COX18: variants seen among roughly 807,000 people sequenced by gnomAD.
The protein encoded by COX18 is cytochrome c oxidase assembly protein COX18, mitochondrial.
A neutral mutation model predicts 38.0 loss-of-function variants in COX18; 45 were observed. The ratio of observed to expected loss-of-function variants is 1.18; its 90% confidence interval spans 0.93 to 1.52. The LOEUF is 1.52. COX18 is among the 40% of genes most tolerant of loss of function. COX18 has a pLI of 0.00. For missense variants in COX18, 462 were observed against 423.8 expected, an observed-to-expected ratio of 1.09 and a Z score of -0.79; for synonymous variants, 177 against 169.8, an observed-to-expected ratio of 1.04 and a Z score of -0.33.
At chr4:73,067,471 CTTATCT>C (rs1720505900) in intron 2 of COX18, among the ~76,000 whole-genome samples, 1 of 152,100 alleles carries the variant, frequency 6.6e-6, no homozygotes, top group African/African-American at 2.4e-5. Context: ...ACATACTCTT[CTTATCT>C]TTATCTATTT....
At chr4:73,069,722 T>TA (rs760432276), upstream of COX18, 109 of 1,407,138 alleles carry the variant, frequency 7.7e-5, no homozygotes, top group Non-Finnish European at 1.0e-4. Context: ...CCAAGGCTGA[T>TA]ACGCGCACGC....
chr4:73,068,897 C>A (rs1235080094), intron 1 of COX18, among the ~76,000 whole-genome samples: 1 of 152,186 alleles, frequency 6.6e-6, no homozygotes, highest in Non-Finnish European at 1.5e-5. Context: ...CTAGTAGTTT[C>A]TTCCTAATAA....
chr4:73,060,379 C>T (rs894119923), intron 5 of COX18, among the ~76,000 whole-genome samples: 1 of 152,062 alleles, frequency 6.6e-6, no homozygotes, highest in African/African-American at 2.4e-5. Flanking sequence ...CTGTGCCGTT[C>T]TACTTTTACA....
chr4:73,064,938 T>C (rs758207029), intron 3 of COX18, 36 bp from the exon 4 acceptor site: 1 of 1,596,232 alleles, frequency 6.3e-7, no homozygotes, highest in Middle Eastern at 1.7e-4. Flanking sequence ...ATAGAAGTCC[T>C]AAAAATAGCA....
In COX18 at chr4:73,065,343, TG is replaced by T; in HGVS notation, c.504del (p.Phe168LeufsTer24). 6.2e-7 allele frequency: 1 copy of T among 1,614,006 alleles called. No homozygotes were observed. The highest frequency in any genetic ancestry group is 8.5e-7 in the Non-Finnish European group (1 of 1,179,934). On this transcript the variant is annotated frameshift_variant, in exon 3 of 6. Coordinates refer to ENST00000507544, the MANE Select transcript of COX18 (RefSeq NM_001297732.2). LOFTEE classifies it high-confidence loss of function. ...ELYVRDNCHPFKATVLVWIQL... is the reference protein window; with the variant it reads ...ELYVRDNCHPXKATVLVWIQL... ...TGAATCCAAACCAACACAGTGGCTT[TG>T]AAAGGGTGGCAGTTATCTCGCACAT... is the stretch of plus-strand genomic sequence containing the variant.
Position 73,054,441 on chromosome 4 carries a change from C to G in COX18, c.*3673G>C, listed in dbSNP as rs1410536570. 4 of 152,202 alleles carry G rather than the reference C, an allele frequency of 2.6e-5. No homozygotes were observed. The highest frequency in any genetic ancestry group is 9.6e-5 in the African/African-American group (4 of 41,452). The allele number at this position is 152,202 out of a possible 1,614,324, so 9.4% of individuals were successfully genotyped here. A position where few individuals can be genotyped will look rare whatever the true frequency, so the allele number is the denominator to read the frequency against. On this transcript the variant is annotated 3_prime_UTR_variant, in exon 6 of 6. Transcript: ENST00000507544. ...GTCAGGTAAGTTCAGGTAACTGATTCACTTCAGTTCATAATACACCAGTTT... is the reference window on the plus strand; with the variant it reads ...GTCAGGTAAGTTCAGGTAACTGATTGACTTCAGTTCATAATACACCAGTTT...
chr4:73,065,183 T>C (rs984088234), intron 3 of COX18, 67 bp downstream of exon 3: 2 of 1,191,504 alleles, frequency 1.7e-6, no homozygotes, highest in African/African-American at 3.1e-5. Context: ...TTTTTTTTTT[T>C]TTTTTTTTTT....
In COX18 at chr4:73,054,932, G is replaced by A. The variant is rs1168937379; in HGVS notation, c.*3182C>T. The A allele has an allele frequency of 1.3e-5, 2 of 152,172 alleles. No individual in the cohort carries two copies. Among genetic ancestry groups the A allele is most frequent in the African/African-American group, 2.4e-5 (1 of 41,430 alleles). 9.4% of individuals were successfully genotyped at this position (152,172 alleles called of 1,614,324 possible). A position where few individuals can be genotyped will look rare whatever the true frequency, so the allele number is the denominator to read the frequency against. Reference sequence around the variant, plus strand: ...AAAGACACTTAACTCTGCAGATTCCGCTGGATGTCAGGGATTGGGGATAAA... The same window carrying A: ...AAAGACACTTAACTCTGCAGATTCCACTGGATGTCAGGGATTGGGGATAAA... On this transcript the variant is annotated 3_prime_UTR_variant, in exon 6 of 6. Coordinates refer to ENST00000507544, the MANE Select transcript of COX18 (RefSeq NM_001297732.2).
At chr4:73,059,313 C>T (rs1477193582) in intron 5 of COX18, among the ~76,000 whole-genome samples, 11 of 152,162 alleles carry the variant, frequency 7.2e-5, no homozygotes. Flanking sequence ...ATCTATTTGA[C>T]TTTGAGTAAG....
chr4:73,065,689 A>G (rs1351604004), intron 2 of COX18, among the ~76,000 whole-genome samples: 1 of 152,202 alleles, frequency 6.6e-6, no homozygotes, highest in Admixed American at 6.5e-5. Flanking sequence ...ATTAGGCTTT[A>G]AAGGTAAATT....
Position 73,069,580 on chromosome 4 carries a change from G to A in COX18, c.70C>T (p.Pro24Ser), listed in dbSNP as rs1720666232. 3 of 1,560,876 alleles carry A rather than the reference G, an allele frequency of 1.9e-6. No individual in the cohort carries two copies. The highest frequency in any genetic ancestry group is 2.6e-6 in the Non-Finnish European group (3 of 1,154,330). The change falls in exon 1 of 6, where the codon CCG (proline) becomes TCG (serine). Residue 24 changes from proline (P) to serine (S), a missense_variant. Coordinates refer to ENST00000507544, the MANE Select transcript of COX18 (RefSeq NM_001297732.2). ...PALQLWARDL[P>S]LAPVPTSGAK... ...CCGCTCGTAGGAACCGGCGCAAGCGGCAGGTCCCTAGCCCAAAGCTGCAGG... is the reference window on the plus strand; with the variant it reads ...CCGCTCGTAGGAACCGGCGCAAGCGACAGGTCCCTAGCCCAAAGCTGCAGG...
At chr4:73,061,727 AAAAG>A in intron 5 of COX18, 82 bp downstream of exon 5, 1 of 734,778 alleles carries the variant, frequency 1.4e-6, no homozygotes. Flanking sequence ...AAAAAAAAAA[AAAAG>A]AAGAGGCAGG....
In COX18 at chr4:73,054,795, A is replaced by T. The variant is rs998759029; in HGVS notation, c.*3319T>A. ...TTTTCCTACTTTCTTTTTTGTACAG[A>T]CAAGGTCTCACTATGTTGCCCAGGC... On this transcript the variant is annotated 3_prime_UTR_variant, in exon 6 of 6. Transcript: ENST00000507544. 6 of 152,214 alleles carry T rather than the reference A, an allele frequency of 3.9e-5. No individual in the cohort carries two copies. Among genetic ancestry groups the T allele is most frequent in the African/African-American group, 1.2e-4 (5 of 41,462 alleles). 9.4% of individuals were successfully genotyped at this position (152,214 alleles called of 1,614,324 possible).
At chr4:73,066,315 C>G (rs186234171) in intron 2 of COX18, among the ~76,000 whole-genome samples, 1 of 152,282 alleles carries the variant, frequency 6.6e-6, no homozygotes, top group East Asian at 1.9e-4. Context: ...TGTATTATAT[C>G]ATCTGTGTGG....
intron 5 of COX18, among the ~76,000 whole-genome samples, chr4:73,059,783 T>G (rs1003816677): frequency 1.3e-5 from 2 of 152,184 alleles, no homozygotes; most frequent in Non-Finnish European, 2.9e-5. Context: ...CATTATCTGA[T>G]TTATCCACCA....
In COX18 at chr4:73,055,426, T is replaced by C. The variant is rs1255360880; in HGVS notation, c.*2688A>G. ...TTTTTGTCAACAGAACAATGCAACATATTGTTGATTCAGTAACACTGAACT... is the reference window on the plus strand; with the variant it reads ...TTTTTGTCAACAGAACAATGCAACACATTGTTGATTCAGTAACACTGAACT... On this transcript the variant is annotated 3_prime_UTR_variant, in exon 6 of 6. Coordinates refer to ENST00000507544, the MANE Select transcript of COX18 (RefSeq NM_001297732.2). 4 of 152,344 alleles carry C rather than the reference T, an allele frequency of 2.6e-5. No individual in the cohort carries two copies. In the East Asian group the frequency reaches 7.7e-4, roughly 29 times the overall value. The allele number at this position is 152,344 out of a possible 1,614,324, so 9.4% of individuals were successfully genotyped here. A position where few individuals can be genotyped will look rare whatever the true frequency, so the allele number is the denominator to read the frequency against.
chr4:73,067,227 G>C (rs1047071269), intron 2 of COX18, among the ~76,000 whole-genome samples: 1 of 152,166 alleles, frequency 6.6e-6, no homozygotes, highest in African/African-American at 2.4e-5. Context: ...TTTCCTGTAG[G>C]CTATTACCTG....
At position 73,057,008 on chromosome 4, in the gene COX18, C is replaced by T. The variant is rs1464693175; in HGVS notation, c.*1106G>A. On this transcript the variant is annotated 3_prime_UTR_variant, in exon 6 of 6. Coordinates refer to ENST00000507544, the MANE Select transcript of COX18 (RefSeq NM_001297732.2). Reference sequence around the variant, plus strand: ...TGGTGGTGCACCCCTGTAGTCCCAGCTACCCAGTAGGCTGAGGTAGGAGAA... The same window carrying T: ...TGGTGGTGCACCCCTGTAGTCCCAGTTACCCAGTAGGCTGAGGTAGGAGAA... 6.6e-6 allele frequency: 1 copy of T among 151,586 alleles called. No individual in the cohort carries two copies. The highest frequency in any genetic ancestry group is 6.6e-5 in the Admixed American group (1 of 15,196). 9.4% of individuals were successfully genotyped at this position (151,586 alleles called of 1,614,324 possible). A position where few individuals can be genotyped will look rare whatever the true frequency, so the allele number is the denominator to read the frequency against.
At chr4:73,063,629 T>G (rs572537115) in intron 4 of COX18, among the ~76,000 whole-genome samples, 12 of 152,336 alleles carry the variant, frequency 7.9e-5, no homozygotes, top group South Asian at 2.1e-4. Flanking sequence ...CACTGTAACC[T>G]TGTGCTTATC....
Sources: gnomAD v4.1 joint callset for allele counts (sites outside exome capture counted in the v4.1 genomes callset) on GRCh38, gnomAD v4.1.1 for gene constraint, MANE v1.5 for transcripts, NCBI Gene and HGNC (gene_info 2026-07-23, HGNC 2026-07-21) for gene names.